Variants in TTC1 observed in about 807,000 individuals in gnomAD.
TTC1 encodes tetratricopeptide repeat domain 1.
A neutral mutation model predicts 37.6 loss-of-function variants in TTC1; 31 were observed. That is an observed-to-expected ratio of 0.82 (90% confidence interval 0.62 to 1.11). The LOEUF (loss-of-function observed/expected upper bound fraction) is 1.11, where lower values mean the gene tolerates loss of function less well. Ranked by LOEUF, TTC1 falls within the 50% of genes most tolerant of loss-of-function variation. The pLI is 0.00. For missense variants in TTC1, 351 were observed against 339.0 expected, an observed-to-expected ratio of 1.04 and a Z score of -0.28; for synonymous variants, 127 against 122.4, an observed-to-expected ratio of 1.04 and a Z score of -0.25.
At chr5:160,064,341 T>C (rs1358246567) in intron 7 of TTC1, among the ~76,000 whole-genome samples, 2 of 152,194 alleles carry the variant, frequency 1.3e-5, no homozygotes, top group African/African-American at 2.4e-5. Flanking sequence ...TGAGGTCTTA[T>C]TGAGGTTGCT....
At chr5:160,040,337 G>A (rs989333588) in intron 4 of TTC1, among the ~76,000 whole-genome samples, 1 of 152,146 alleles carries the variant, frequency 6.6e-6, no homozygotes, top group African/African-American at 2.4e-5. Flanking sequence ...ATTGCTCTGG[G>A]TGAGTCAGTG....
At chr5:160,048,773 A>G (rs1452032505) in intron 5 of TTC1, among the ~76,000 whole-genome samples, 2 of 152,168 alleles carry the variant, frequency 1.3e-5, no homozygotes, top group Non-Finnish European at 2.9e-5. Flanking sequence ...CAACATAATG[A>G]AACCCCATCT....
At position 160,045,487 on chromosome 5, in the gene TTC1, CACACACACACACACACACACACACACAT is replaced by C. The variant is rs1199138932; in HGVS notation, c.541+2325_541+2352del. Among the ~76,000 whole-genome samples, 118 of 122,122 alleles carry C rather than the reference CACACACACACACACACACACACACACAT, an allele frequency of 9.7e-4. 2 individuals carry two copies. The highest frequency in any genetic ancestry group is 3.7e-3 in the African/African-American group (112 of 30,434). 80.1% of individuals were successfully genotyped at this position (122,122 alleles called of 152,430 possible). ...ACACACACACACACACACACACACACACACACACACACACACACACACACACATACACACTCTCTCTCTCTCTCTCTCT... is the reference window on the plus strand; with the variant it reads ...ACACACACACACACACACACACACACACACACTCTCTCTCTCTCTCTCTCT... On this transcript the variant is annotated intron_variant, in intron 5 of 7. Transcript: ENST00000231238.
At chr5:160,026,869 T>C (rs1756815040) in intron 2 of TTC1, among the ~76,000 whole-genome samples, 1 of 152,210 alleles carries the variant, frequency 6.6e-6, no homozygotes, top group African/African-American at 2.4e-5. Flanking sequence ...TGTTTTTTAC[T>C]GCCTCTTTTT....
At chr5:160,051,843 G>T (rs1033072721) in intron 7 of TTC1, among the ~76,000 whole-genome samples, 2 of 152,174 alleles carry the variant, frequency 1.3e-5, no homozygotes, top group Non-Finnish European at 2.9e-5. Flanking sequence ...CTGATATTTC[G>T]CTGGTGAAGA....
intron 2 of TTC1, among the ~76,000 whole-genome samples, chr5:160,023,023 A>C (rs1756738058): frequency 6.6e-6 from 1 of 152,124 alleles, no homozygotes; most frequent in African/African-American, 2.4e-5. Context: ...TGGGAGGCCG[A>C]GGTGGGCGGA....
intron 7 of TTC1, among the ~76,000 whole-genome samples, chr5:160,055,897 C>CA (rs1348334663): frequency 6.6e-6 from 1 of 152,232 alleles, no homozygotes; most frequent in African/African-American, 2.4e-5. Context: ...TGTGGTCTTC[C>CA]AATTCACTAG....
At chr5:160,029,243 T>G (rs1488317854) in intron 2 of TTC1, among the ~76,000 whole-genome samples, 1 of 152,168 alleles carries the variant, frequency 6.6e-6, no homozygotes, top group Non-Finnish European at 1.5e-5. Context: ...AAGATGTATT[T>G]CCTGGGTTTC....
chr5:160,065,118 T>A lies in TTC1; in HGVS notation c.*53T>A. Reference sequence around the variant, plus strand: ...ACTTGGAATTGTGTGCTGCTTGCTGTTAGCTAGGGGAAAGGCCCTGCCAAT... The same window carrying A: ...ACTTGGAATTGTGTGCTGCTTGCTGATAGCTAGGGGAAAGGCCCTGCCAAT... On this transcript the variant is annotated 3_prime_UTR_variant, in exon 8 of 8. Coordinates refer to ENST00000231238, the MANE Select transcript of TTC1 (RefSeq NM_003314.3). The A allele has an allele frequency of 6.3e-7, 1 of 1,589,190 alleles. No homozygotes were observed. Among genetic ancestry groups the A allele is most frequent in the South Asian group, 1.1e-5 (1 of 87,342 alleles).
intron 4 of TTC1, among the ~76,000 whole-genome samples, chr5:160,042,537 C>A (rs1464469512): frequency 1.3e-5 from 2 of 152,194 alleles, no homozygotes; most frequent in Non-Finnish European, 2.9e-5. Flanking sequence ...GACCAGAATT[C>A]AGTTCTTTGA....
intron 4 of TTC1, among the ~76,000 whole-genome samples, chr5:160,041,502 G>C (rs1201696525): frequency 2.0e-5 from 3 of 151,798 alleles, no homozygotes; most frequent in Non-Finnish European, 4.4e-5. Flanking sequence ...TTCTAGAGAT[G>C]GGGTTTCACC....
intron 5 of TTC1, among the ~76,000 whole-genome samples, chr5:160,044,464 T>A (rs1757164553): frequency 6.6e-6 from 1 of 152,226 alleles, no homozygotes; most frequent in African/African-American, 2.4e-5. Context: ...ACTCATGAGA[T>A]TTCCAAGAAT....
At chr5:160,043,280 G>A in intron 5 of TTC1, 111 bp downstream of exon 5, 2 of 1,013,220 alleles carry the variant, frequency 2.0e-6, no homozygotes, top group Non-Finnish European at 2.9e-6. Context: ...CTGGGGCCTT[G>A]CAAGAGGCAA....
chr5:160,062,870 GT>G (rs1337020960), intron 7 of TTC1, among the ~76,000 whole-genome samples: 1 of 152,032 alleles, frequency 6.6e-6, no homozygotes, highest in Non-Finnish European at 1.5e-5. Context: ...AGCGTTCCTG[GT>G]TGGTGTTGCT....
intron 5 of TTC1, among the ~76,000 whole-genome samples, chr5:160,043,516 C>T (rs1397880411): frequency 2.0e-5 from 3 of 152,052 alleles, no homozygotes; most frequent in Non-Finnish European, 4.4e-5. Flanking sequence ...TCACCTGAGC[C>T]CAGGAGGTTG....
intron 2 of TTC1, chr5:160,024,133 A>C: frequency 6.3e-6 from 4 of 639,134 alleles, no homozygotes; most frequent in South Asian, 4.1e-5. Flanking sequence ...CAGTGCCTAC[A>C]CATTCTGTGC....
chr5:160,019,517 T>G (rs1756664587), intron 2 of TTC1, among the ~76,000 whole-genome samples: 1 of 151,990 alleles, frequency 6.6e-6, no homozygotes. Flanking sequence ...CATAGTGGCC[T>G]GCATAGTCCT....
chr5:160,047,731 A>G (rs1479903884), intron 5 of TTC1, among the ~76,000 whole-genome samples: 1 of 152,026 alleles, frequency 6.6e-6, no homozygotes, highest in Non-Finnish European at 1.5e-5. Flanking sequence ...GATAACTCAC[A>G]TGCCAGAGTT....
chr5:160,021,637 C>T (rs573228847), intron 2 of TTC1, among the ~76,000 whole-genome samples: 1 of 152,052 alleles, frequency 6.6e-6, no homozygotes, highest in Non-Finnish European at 1.5e-5. Flanking sequence ...CCCTAGAGGA[C>T]CTGTAAAGGT....
Sources: gnomAD v4.1 joint callset for allele counts (sites outside exome capture counted in the v4.1 genomes callset) on GRCh38, gnomAD v4.1.1 for gene constraint, MANE v1.5 for transcripts, NCBI Gene and HGNC (gene_info 2026-07-23, HGNC 2026-07-21) for gene names.